PBX1: variants seen among roughly 807,000 people sequenced by gnomAD.
The protein encoded by PBX1 is pre-B-cell leukemia transcription factor 1.
PBX1 carries 6 observed loss-of-function variants against 53.4 expected under a neutral mutation model. That is an observed-to-expected ratio of 0.11 (90% CI 0.06 to 0.22). The LOEUF (loss-of-function observed/expected upper bound fraction) is 0.22, where lower values mean the gene tolerates loss of function less well. Among genes scored for constraint, PBX1 ranks in the 10% least tolerant of loss-of-function variants. The pLI is 1.00. For synonymous variants in PBX1, 204 were observed against 212.3 expected (o/e 0.96, Z 0.34); for missense variants, 251 against 551.4 (o/e 0.46, Z 5.46).
intron 2 of PBX1, among the ~76,000 whole-genome samples, chr1:164,677,970 C>T (rs188846338): frequency 6.6e-6 from 1 of 152,208 alleles, no homozygotes; most frequent in Admixed American, 6.5e-5. Flanking sequence ...ATTATTGGCT[C>T]CATTTTAAAG....
At chr1:164,706,755 A>C (rs1303884023) in intron 2 of PBX1, among the ~76,000 whole-genome samples, 1 of 152,214 alleles carries the variant, frequency 6.6e-6, no homozygotes, top group Admixed American at 6.5e-5. Context: ...AGTCAGGCAC[A>C]CATAACCCTA....
intron 2 of PBX1, among the ~76,000 whole-genome samples, chr1:164,618,910 T>C (rs1238366564): frequency 6.6e-6 from 1 of 152,192 alleles, no homozygotes; most frequent in Non-Finnish European, 1.5e-5. Flanking sequence ...ATTATGAATA[T>C]TGAAGTATAA....
At chr1:164,758,211 G>C (rs997619863) in intron 2 of PBX1, among the ~76,000 whole-genome samples, 6 of 152,194 alleles carry the variant, frequency 3.9e-5, no homozygotes, top group African/African-American at 1.2e-4. Context: ...AGATCTGTGA[G>C]CGGAACGTTG....
intron 2 of PBX1, among the ~76,000 whole-genome samples, chr1:164,871,395 G>A: frequency 6.6e-6 from 1 of 152,238 alleles, no homozygotes; most frequent in Non-Finnish European, 1.5e-5. Context: ...GCCCAATAAA[G>A]CAGGCATTAC....
At chr1:164,633,498 T>C (rs1465990589) in intron 2 of PBX1, among the ~76,000 whole-genome samples, 2 of 152,190 alleles carry the variant, frequency 1.3e-5, no homozygotes, top group African/African-American at 4.8e-5. Context: ...CTATTACTAG[T>C]ATTTTCACTG....
rs529725498 is a variant in PBX1 at position 164,636,736 on chromosome 1, G to A, written c.265+73425G>A. The stretch of plus-strand genomic sequence containing the variant: ...TCTTCTCAACTTGGCTGTAACACTG[G>A]AGCCCTTGGCCACTTAGAAGGCCTG... On this transcript the variant is annotated intron_variant, in intron 2 of 8. Transcript: ENST00000420696. 1.3e-5 allele frequency among the ~76,000 whole-genome samples: 2 copies of A among 152,230 alleles called. 1 individual carries two copies. Among genetic ancestry groups the A allele is most frequent in the African/African-American group, 4.8e-5 (2 of 41,522 alleles).
chr1:164,641,953 G>C (rs866402076), intron 2 of PBX1: 1 of 152,156 alleles, frequency 6.6e-6, no homozygotes, highest in South Asian at 2.1e-4. Flanking sequence ...GAAAATTAAG[G>C]TCCAGTGAGG....
intron 2 of PBX1, among the ~76,000 whole-genome samples, chr1:164,746,629 C>T (rs907273430): frequency 6.6e-6 from 1 of 152,018 alleles, no homozygotes; most frequent in East Asian, 1.9e-4. Flanking sequence ...AGGCTGTTCT[C>T]GAACTCTTGA....
chr1:164,641,752 G>A (rs1438998742), intron 2 of PBX1: 1 of 152,200 alleles, frequency 6.6e-6, no homozygotes, highest in African/African-American at 2.4e-5. Flanking sequence ...CTGTGAGAAA[G>A]GATTTTATTG....
intron 2 of PBX1, among the ~76,000 whole-genome samples, chr1:164,670,825 TGGG>T (rs940065552): frequency 6.6e-6 from 1 of 152,042 alleles, no homozygotes; most frequent in Non-Finnish European, 1.5e-5. Flanking sequence ...AACAAAGCAT[TGGG>T]GGGAGGATCA....
At chr1:164,665,681 A>G (rs559574912) in intron 2 of PBX1, among the ~76,000 whole-genome samples, 63 of 152,284 alleles carry the variant, frequency 4.1e-4, no homozygotes, top group Non-Finnish European at 7.5e-4. Context: ...CAGCTACCCT[A>G]TGGGGCTGTC....
At chr1:164,757,727 TA>T (rs554636219) in intron 2 of PBX1, among the ~76,000 whole-genome samples, 1 of 152,298 alleles carries the variant, frequency 6.6e-6, no homozygotes, top group South Asian at 2.1e-4. Context: ...TTTTAATCTC[TA>T]AATCATGCTG....
At chr1:164,611,151 C>G (rs1656894761) in intron 2 of PBX1, among the ~76,000 whole-genome samples, 1 of 152,124 alleles carries the variant, frequency 6.6e-6, no homozygotes, top group Admixed American at 6.6e-5. Context: ...TTCAGGATTT[C>G]TTTCTTGCCT....
chr1:164,830,798 C>T (rs1670716672), intron 8 of PBX1, among the ~76,000 whole-genome samples: 1 of 152,090 alleles, frequency 6.6e-6, no homozygotes, highest in Non-Finnish European at 1.5e-5. Flanking sequence ...TAGTCTATTC[C>T]AAGTGTAGTC....
chr1:164,849,359 G>A lies in PBX1; in HGVS notation c.*2683G>A, dbSNP rs906708754. 22 of 1,535,468 alleles carry A rather than the reference G, an allele frequency of 1.4e-5. No homozygotes were observed. The highest frequency in any genetic ancestry group is 1.7e-4 in the Middle Eastern group (1 of 6,012). ...ACCCAGCACCTCCCCCGGCACCCCC[G>A]GCAAGCCCACTATCACTTCCGACTT... is the stretch of plus-strand genomic sequence containing the variant. On this transcript the variant is annotated 3_prime_UTR_variant, in exon 9 of 9. Transcript: ENST00000420696.
At chr1:164,589,640 A>G (rs550356751) in intron 2 of PBX1, among the ~76,000 whole-genome samples, 140 of 152,302 alleles carry the variant, frequency 9.2e-4, no homozygotes, top group African/African-American at 3.2e-3. Flanking sequence ...TATTGGCTGT[A>G]ATGCCTGCTC....
At position 164,571,883 on chromosome 1, in the gene PBX1, A is replaced by G. The variant is rs867399672; in HGVS notation, c.265+8572A>G. On this transcript the variant is annotated intron_variant, in intron 2 of 8. Coordinates refer to ENST00000420696, the MANE Select transcript of PBX1 (RefSeq NM_002585.4). ...AAAAATCTGTACATTGTATATATAT[A>G]TATATATATATATATATATATATAT... 7.3e-3 allele frequency among the ~76,000 whole-genome samples: 679 copies of G among 93,216 alleles called. 19 individuals are homozygous for G. Among genetic ancestry groups the G allele is most frequent in the African/African-American group, 0.026 (652 of 25,228 alleles). The allele number at this position is 93,216 out of a possible 152,430, so 61.2% of individuals were successfully genotyped here.
intron 2 of PBX1, chr1:164,605,126 A>C (rs1478409100): frequency 6.6e-6 from 1 of 151,996 alleles, no homozygotes; most frequent in Non-Finnish European, 1.5e-5. Flanking sequence ...GTATCCTGGG[A>C]ATGTTTAGGA....
At chr1:164,793,863 T>TTTTTTTC (rs142630209) in intron 3 of PBX1, among the ~76,000 whole-genome samples, 1 of 129,810 alleles carries the variant, frequency 7.7e-6, no homozygotes, top group African/African-American at 3.1e-5. Context: ...TTTCTTTTTT[T>TTTTTTTC]TTTCCTTTCT....
Sources: gnomAD v4.1 joint callset for allele counts (sites outside exome capture counted in the v4.1 genomes callset) on GRCh38, gnomAD v4.1.1 for gene constraint, MANE v1.5 for transcripts, NCBI Gene and HGNC (gene_info 2026-07-23, HGNC 2026-07-21) for gene names.